CMTM8: variants seen among roughly 807,000 people sequenced by gnomAD.
The protein encoded by CMTM8 is CKLF-like MARVEL transmembrane domain-containing protein 8.
CMTM8 carries 12 observed loss-of-function variants against 18.6 expected under a neutral mutation model. The ratio of observed to expected loss-of-function variants is 0.65; its 90% CI spans 0.41 to 1.05. The LOEUF (loss-of-function observed/expected upper bound fraction) is 1.05. CMTM8 is among the 50% of genes least tolerant of loss of function. The pLI is 0.00. For missense variants in CMTM8, 217 were observed against 227.2 expected, an observed-to-expected ratio of 0.95 and a Z score of 0.29; for synonymous variants, 87 against 90.6, an observed-to-expected ratio of 0.96 and a Z score of 0.23.
intron 1 of CMTM8, among the ~76,000 whole-genome samples, chr3:32,295,581 G>A (rs1333282112): frequency 6.6e-6 from 1 of 151,430 alleles, no homozygotes; most frequent in Non-Finnish European, 1.5e-5. Flanking sequence ...TCAGTAGTAA[G>A]CATAGATCCA....
At chr3:32,329,078 A>AT (rs1388114376) in intron 1 of CMTM8, among the ~76,000 whole-genome samples, 16 of 151,170 alleles carry the variant, frequency 1.1e-4, no homozygotes, top group South Asian at 4.2e-4. Flanking sequence ...TCAAAAAAAA[A>AT]TTTTTTTTTT....
chr3:32,351,128 C>A (rs1032084912), intron 1 of CMTM8, among the ~76,000 whole-genome samples: 1 of 152,180 alleles, frequency 6.6e-6, no homozygotes, highest in African/African-American at 2.4e-5. Flanking sequence ...GTCATTGGCA[C>A]TGACACAGCA....
At chr3:32,286,129 T>G (rs544802923) in intron 1 of CMTM8, among the ~76,000 whole-genome samples, 5 of 152,350 alleles carry the variant, frequency 3.3e-5, no homozygotes, top group African/African-American at 1.2e-4. Flanking sequence ...GCTTGGGCTT[T>G]GCAGAGCATG....
At chr3:32,339,468 C>T (rs1055669126) in intron 1 of CMTM8, among the ~76,000 whole-genome samples, 2 of 152,138 alleles carry the variant, frequency 1.3e-5, no homozygotes, top group Non-Finnish European at 2.9e-5. Flanking sequence ...GAAAGACGAC[C>T]ACATGGTTTG....
intron 1 of CMTM8, among the ~76,000 whole-genome samples, chr3:32,249,235 C>T (rs2125530172): frequency 6.6e-6 from 1 of 151,254 alleles, no homozygotes; most frequent in East Asian, 2.0e-4. Context: ...TCAAGACTAG[C>T]CTAGGCAACA....
chr3:32,242,394 A>C (rs1701954707), intron 1 of CMTM8, among the ~76,000 whole-genome samples: 1 of 152,086 alleles, frequency 6.6e-6, no homozygotes, highest in South Asian at 2.1e-4. Context: ...TGGTATGATC[A>C]CAGTGCAACC....
chr3:32,280,152 A>G (rs1033399639), intron 1 of CMTM8, among the ~76,000 whole-genome samples: 1 of 152,176 alleles, frequency 6.6e-6, no homozygotes, highest in East Asian at 1.9e-4. Context: ...TCACATGGCC[A>G]TTCTCAGTCC....
At chr3:32,245,046 T>A (rs1251722972) in intron 1 of CMTM8, among the ~76,000 whole-genome samples, 1 of 152,224 alleles carries the variant, frequency 6.6e-6, no homozygotes. Flanking sequence ...TGTTTTAATA[T>A]CTGAATCAGG....
At chr3:32,262,572 A>G (rs948195820) in intron 1 of CMTM8, among the ~76,000 whole-genome samples, 4 of 151,640 alleles carry the variant, frequency 2.6e-5, no homozygotes, top group African/African-American at 4.8e-5. Flanking sequence ...GACGTGCCCT[A>G]TTTCAGTTAA....
chr3:32,267,394 C>A (rs138593465), intron 1 of CMTM8, among the ~76,000 whole-genome samples: 2,125 of 152,174 alleles, frequency 0.014, 50 homozygotes, highest in Middle Eastern at 0.054. Context: ...AACTGACTAG[C>A]CATATGTAGA....
intron 1 of CMTM8, among the ~76,000 whole-genome samples, chr3:32,246,538 C>G (rs750728375): frequency 9.9e-5 from 15 of 152,108 alleles, no homozygotes; most frequent in Non-Finnish European, 1.8e-4. Context: ...CTTATTAAAC[C>G]CTACTCAGAT....
At chr3:32,274,487 A>G (rs1035179702) in intron 1 of CMTM8, among the ~76,000 whole-genome samples, 19 of 152,260 alleles carry the variant, frequency 1.2e-4, no homozygotes, top group African/African-American at 3.6e-4. Flanking sequence ...AATTTCTGAA[A>G]TGTAAATATC....
At chr3:32,267,284 A>G (rs1702364000) in intron 1 of CMTM8, among the ~76,000 whole-genome samples, 1 of 152,236 alleles carries the variant, frequency 6.6e-6, no homozygotes, top group Admixed American at 6.5e-5. Flanking sequence ...CAGAGCCCTC[A>G]GAAATAATGC....
rs190798174 is a variant in CMTM8, at chr3:32,264,208, G to A, written c.147+25089G>A. ...TTAAGGGCAGCCAGAGAGAAAGGTC[G>A]GGTTACCCACGAGGGGAAGCCCATC... On this transcript the variant is annotated intron_variant, in intron 1 of 3. Coordinates refer to ENST00000307526, the MANE Select transcript of CMTM8 (RefSeq NM_178868.5). Among the ~76,000 whole-genome samples the A allele has an allele frequency of 2.1e-4, 32 of 152,268 alleles. No homozygotes were observed. In the East Asian group the frequency reaches 4.0e-3, roughly 19 times the overall value.
At chr3:32,316,681 TA>T (rs1695938887) in intron 1 of CMTM8, among the ~76,000 whole-genome samples, 1 of 152,092 alleles carries the variant, frequency 6.6e-6, no homozygotes, top group Non-Finnish European at 1.5e-5. Flanking sequence ...TTTTTCCCCC[TA>T]AAACAGCAGC....
chr3:32,259,463 C>A, intron 1 of CMTM8: 1 of 785,050 alleles, frequency 1.3e-6, no homozygotes. Flanking sequence ...GGCCATGTGC[C>A]AGTCTTTGGA....
intron 2 of CMTM8, among the ~76,000 whole-genome samples, chr3:32,364,304 A>G (rs1696989237): frequency 6.6e-6 from 1 of 152,190 alleles, no homozygotes; most frequent in East Asian, 1.9e-4. Context: ...GGAGATCGAG[A>G]CCATCTTGGC....
intron 1 of CMTM8, among the ~76,000 whole-genome samples, chr3:32,281,474 G>T (rs766184980): frequency 2.0e-5 from 3 of 152,110 alleles, no homozygotes; most frequent in Non-Finnish European, 4.4e-5. Flanking sequence ...TAAATAGACA[G>T]TTTATCTGAG....
intron 1 of CMTM8, among the ~76,000 whole-genome samples, chr3:32,348,754 G>A (rs1696649973): frequency 6.6e-6 from 1 of 151,748 alleles, no homozygotes; most frequent in African/African-American, 2.4e-5. Context: ...ATCCACCTCG[G>A]CCTCCCAAAG....
Sources: gnomAD v4.1 joint callset for allele counts (sites outside exome capture counted in the v4.1 genomes callset) on GRCh38, gnomAD v4.1.1 for gene constraint, MANE v1.5 for transcripts, NCBI Gene and HGNC (gene_info 2026-07-23, HGNC 2026-07-21) for gene names.